The following FAT4 variants were observed in gnomAD, a reference collection of about 807,000 sequenced individuals.
FAT4 encodes the protein protocadherin Fat 4.
In FAT4, 84 loss-of-function variants were observed where a neutral mutation model predicts 303.9. The observed-to-expected ratio is 0.28, with a 90% confidence interval of 0.23 to 0.33. The LOEUF (loss-of-function observed/expected upper bound fraction) is 0.33, where lower values mean the gene tolerates loss of function less well. Among genes scored for constraint, FAT4 ranks in the 10% least tolerant of loss-of-function variants. The probability of loss-of-function intolerance (pLI) is 1.00; values close to 1 mark genes in which losing one functional copy is unlikely to be tolerated. For missense variants in FAT4, 6,005 were observed against 6,146.8 expected (o/e 0.98, Z 0.77); for synonymous variants, 2,307 against 2,298.8 (o/e 1.00, Z -0.10).
At chr4:125,466,772 A>G (rs1726676438) in intron 11 of FAT4, among the ~76,000 whole-genome samples, 1 of 149,616 alleles carries the variant, frequency 6.7e-6, no homozygotes. Flanking sequence ...AATTATGTAT[A>G]ATTTCTTTTT....
At chr4:125,483,063 G>T (rs1727284691) in intron 16 of FAT4, among the ~76,000 whole-genome samples, 1 of 152,080 alleles carries the variant, frequency 6.6e-6, no homozygotes, top group Non-Finnish European at 1.5e-5. Flanking sequence ...TCACAACAAA[G>T]AGTTATCTGG....
At chr4:125,438,439 G>A (rs1366204493) in intron 8 of FAT4, among the ~76,000 whole-genome samples, 1 of 151,966 alleles carries the variant, frequency 6.6e-6, no homozygotes. Context: ...TTTTGCTTTG[G>A]TAGTATGTAT....
At chr4:125,324,341 G>C (rs1007861782) in intron 2 of FAT4, among the ~76,000 whole-genome samples, 33 of 86,914 alleles carry the variant, frequency 3.8e-4, no homozygotes, top group Non-Finnish European at 1.3e-4. Context: ...ATGATGGTCA[G>C]GGGCTTGTTT....
intron 2 of FAT4, among the ~76,000 whole-genome samples, chr4:125,359,279 ATCT>A (rs1286667131): frequency 4.6e-5 from 7 of 152,290 alleles, no homozygotes; most frequent in South Asian, 2.1e-4. Context: ...AATGGAAAAA[ATCT>A]TCTTACTCTG....
intron 8 of FAT4, among the ~76,000 whole-genome samples, chr4:125,437,464 A>G (rs1388647300): frequency 8.1e-6 from 1 of 123,712 alleles, no homozygotes. Flanking sequence ...TGAGCTACAT[A>G]CAGATTTCTT....
chr4:125,367,714 C>T (rs1732937822), intron 2 of FAT4, among the ~76,000 whole-genome samples: 1 of 152,080 alleles, frequency 6.6e-6, no homozygotes, highest in Admixed American at 6.6e-5. Context: ...GAAAAACCTT[C>T]CTTATAGGTG....
At chr4:125,411,827 A>G (rs1373015266) in intron 5 of FAT4, among the ~76,000 whole-genome samples, 1 of 116,448 alleles carries the variant, frequency 8.6e-6, no homozygotes, top group Non-Finnish European at 1.7e-5. Context: ...AGATATCTAC[A>G]TATCTATATA....
In FAT4 at chr4:125,434,689, T is replaced by A. The variant is rs7656590; in HGVS notation, c.7199+264T>A. 0.99 allele frequency among the ~76,000 whole-genome samples: 150,707 copies of A among 152,220 alleles called. 74,620 individuals are homozygous for A. The highest frequency in any genetic ancestry group is 1 in the East Asian group (5,164 of 5,164). On this transcript the variant is annotated intron_variant, in intron 8 of 17. Transcript: ENST00000394329. ...TTTTGTGGTTTGGGACTACACTGGGTGCTTCTGTCTCATGAGGTTGACTGG... is the reference window on the plus strand; with the variant it reads ...TTTTGTGGTTTGGGACTACACTGGGAGCTTCTGTCTCATGAGGTTGACTGG...
Position 125,451,663 on chromosome 4 carries a change from G to A in FAT4, c.10653G>A (p.Leu3551=), listed in dbSNP as rs767343599. Residue 3551 remains leucine (L), a synonymous_variant, in exon 10 of 18, where the codon CTG becomes CTA. Coordinates refer to ENST00000394329, the MANE Select transcript of FAT4 (RefSeq NM_001291303.3). The stretch of plus-strand genomic sequence containing the variant: ...AAGGTCCCTTTACTTATTACTTGCT[G>A]AGCACAGGTCCTGCCACCAGTTATT... ...PNQGPFTYYL[L]STGPATSYFS... is the part of the protein sequence containing the mutation. 1.9e-6 allele frequency: 3 copies of A among 1,614,112 alleles called. No individual in the cohort carries two copies. Among genetic ancestry groups the A allele is most frequent in the Middle Eastern group, 1.6e-4 (1 of 6,062 alleles).
At chr4:125,397,288 G>A (rs995466350) in intron 2 of FAT4, among the ~76,000 whole-genome samples, 1 of 152,124 alleles carries the variant, frequency 6.6e-6, no homozygotes, top group African/African-American at 2.4e-5. Context: ...GATGGACTGA[G>A]GCTAAGAGAA....
chr4:125,367,255 T>C (rs1167994783), intron 2 of FAT4, among the ~76,000 whole-genome samples: 1 of 152,164 alleles, frequency 6.6e-6, no homozygotes, highest in Non-Finnish European at 1.5e-5. Context: ...GAAGCAATTA[T>C]TGGTAGAGCT....
intron 2 of FAT4, among the ~76,000 whole-genome samples, chr4:125,363,119 C>T (rs1377748850): frequency 6.6e-6 from 1 of 151,888 alleles, no homozygotes; most frequent in African/African-American, 2.4e-5. Context: ...TTTTTCACAA[C>T]AATAAAAATT....
chr4:125,490,136 T>C lies in FAT4; in HGVS notation c.13320T>C (p.Gly4440=), dbSNP rs1417222626. Residue 4440 remains glycine (G), a synonymous_variant, in exon 18 of 18, where the codon GGT becomes GGC. Coordinates refer to ENST00000394329, the MANE Select transcript of FAT4 (RefSeq NM_001291303.3). ...GTGCCTCCCACCCGTGCCAGAATGG[T>C]GGCAGCTGTGAGCCAGGCCTGCACT... The part of the protein sequence containing the change: ...GDCASHPCQN[G]GSCEPGLHSG... 6.2e-7 allele frequency: 1 copy of C among 1,614,076 alleles called. No homozygotes were observed. Among genetic ancestry groups the C allele is most frequent in the South Asian group, 1.1e-5 (1 of 91,084 alleles).
chr4:125,361,571 A>G (rs775612767), intron 2 of FAT4, among the ~76,000 whole-genome samples: 40 of 152,180 alleles, frequency 2.6e-4, no homozygotes, highest in Non-Finnish European at 5.3e-4. Flanking sequence ...TAGATGATAT[A>G]AAAATACATA....
chr4:125,373,212 A>C (rs1217333729), intron 2 of FAT4, among the ~76,000 whole-genome samples: 1 of 152,144 alleles, frequency 6.6e-6, no homozygotes, highest in Non-Finnish European at 1.5e-5. Flanking sequence ...CTATTATTTA[A>C]ATTTATTTTT....
intron 12 of FAT4, among the ~76,000 whole-genome samples, chr4:125,471,920 A>AAAT: frequency 6.8e-6 from 1 of 146,324 alleles, no homozygotes; most frequent in Admixed American, 6.8e-5. Context: ...AAAAAAAAAA[A>AAAT]AAAAAAATTA....
chr4:125,431,779 T>A (rs2126041876), intron 7 of FAT4, among the ~76,000 whole-genome samples: 1 of 152,268 alleles, frequency 6.6e-6, no homozygotes, highest in East Asian at 1.9e-4. Flanking sequence ...GATTAATGTA[T>A]CCCCTCTTTC....
chr4:125,450,146 G>A lies in FAT4; in HGVS notation c.9136G>A (p.Ala3046Thr). The part of the protein sequence containing the change: ...LDNDTGWISV[A>T]SSLISDLNQN... ...CAATGATACGGGGTGGATTTCAGTA[G>A]CATCCTCCCTGATTTCTGACTTGAA... Residue 3046 changes from alanine (A) to threonine (T), a missense_variant, in exon 10 of 18, where the codon GCA becomes ACA. Ala to Thr is a moderately conservative substitution (Grantham distance 58, BLOSUM62 0). Transcript: ENST00000394329. The A allele has an allele frequency of 6.2e-7, 1 of 1,613,678 alleles. No individual in the cohort carries two copies.
At chr4:125,365,209 G>T (rs1509284) in intron 2 of FAT4, among the ~76,000 whole-genome samples, 5,633 of 152,244 alleles carry the variant, frequency 0.037, 334 homozygotes, top group African/African-American at 0.13. Flanking sequence ...TCAGGACCTT[G>T]TTAAATGTGA....
Sources: allele counts gnomAD v4.1 joint callset (sites outside exome capture counted in the v4.1 genomes callset), GRCh38; gene constraint gnomAD v4.1.1; transcripts MANE v1.5; gene names NCBI Gene and HGNC (gene_info 2026-07-23, HGNC 2026-07-21).